FBLN1: variants seen among roughly 807,000 people sequenced by gnomAD.
FBLN1 encodes fibulin-1.
In FBLN1, 34 loss-of-function variants were observed where a neutral mutation model predicts 89.7. The observed-to-expected ratio is 0.38, with a 90% CI of 0.29 to 0.50. The LOEUF is 0.50. Among genes scored for constraint, FBLN1 ranks in the 20% least tolerant of loss-of-function variants. The pLI is 0.92. For synonymous variants in FBLN1, 393 were observed against 391.3 expected (o/e 1.00, Z -0.05); for missense variants, 777 against 988.1 (o/e 0.79, Z 2.86).
chr22:45,584,153 G>C (rs1032147187), intron 16 of FBLN1, among the ~76,000 whole-genome samples: 1 of 152,154 alleles, frequency 6.6e-6, no homozygotes, highest in African/African-American at 2.4e-5. Flanking sequence ...GGAGTTAAAC[G>C]CACATTCAGA....
chr22:45,550,403 T>C lies in FBLN1; in HGVS notation c.1574-89T>C. 1.3e-6 allele frequency: 2 copies of C among 1,596,238 alleles called. No individual in the cohort carries two copies. Among genetic ancestry groups the C allele is most frequent in the African/African-American group, 2.7e-5 (2 of 74,780 alleles). On this transcript the variant is annotated intron_variant, in intron 13 of 16. Transcript: ENST00000327858. This position sits in a 1 kb window ranked among gnomAD's most constrained non-coding sequence, Gnocchi z 8.4. Reference sequence around the variant, plus strand: ...GCCTGATCGCCACCCCTAACCCTAGTTGATGGGAGGCCTGGGCTCCTCCGT... The same window carrying C: ...GCCTGATCGCCACCCCTAACCCTAGCTGATGGGAGGCCTGGGCTCCTCCGT...
rs148612731 is a variant in FBLN1 at position 45,546,299 on chromosome 22, C to G, written c.1322-786C>G. On this transcript the variant is annotated intron_variant, in intron 11 of 16. Coordinates refer to ENST00000327858, the MANE Select transcript of FBLN1 (RefSeq NM_006486.3). ...GTGGTGTGATCTTGGCTCACTGCAA[C>G]CTCTGCCTCCTTGTTCAAGCAATTC... is the stretch of plus-strand genomic sequence containing the variant. Among the ~76,000 whole-genome samples the G allele has an allele frequency of 1.7e-3, 266 of 152,328 alleles. 1 individual carries two copies. The highest frequency in any genetic ancestry group is 0.017 in the Middle Eastern group (5 of 294).
intron 16 of FBLN1, among the ~76,000 whole-genome samples, chr22:45,587,465 C>T (rs1601541399): frequency 6.6e-6 from 1 of 152,214 alleles, no homozygotes; most frequent in East Asian, 1.9e-4. Context: ...CAGCCCAGAG[C>T]TTCCTATCTC....
chr22:45,594,495 T>C (rs1005241702), intron 16 of FBLN1, among the ~76,000 whole-genome samples: 3 of 152,208 alleles, frequency 2.0e-5, no homozygotes, highest in Non-Finnish European at 2.9e-5. Flanking sequence ...CAAAACCCAA[T>C]TTAAAGCTTC....
At chr22:45,508,325 G>A (rs376630391) in intron 1 of FBLN1, among the ~76,000 whole-genome samples, 1 of 136,166 alleles carries the variant, frequency 7.3e-6, no homozygotes, top group East Asian at 2.4e-4. Context: ...TCTGGGGTGT[G>A]ATCTTGGCTC....
rs536802149 is a variant in FBLN1, at chr22:45,550,240, T to G, written c.1574-252T>G. Among the ~76,000 whole-genome samples the G allele has an allele frequency of 8.5e-5, 13 of 152,212 alleles. No individual in the cohort carries two copies. The highest frequency in any genetic ancestry group is 1.9e-4 in the Non-Finnish European group (13 of 68,034). On this transcript the variant is annotated intron_variant, in intron 13 of 16. Transcript: ENST00000327858. The surrounding 1 kb of genome is among the most constrained non-coding windows in gnomAD (Gnocchi z 8.4). ...GGTACTCCCAGGACCCATCATGTAGTGTTTACTTTTACCATCGTCACGCTC... is the reference window on the plus strand; with the variant it reads ...GGTACTCCCAGGACCCATCATGTAGGGTTTACTTTTACCATCGTCACGCTC...
chr22:45,540,911 C>A (rs143783430), intron 8 of FBLN1, among the ~76,000 whole-genome samples: 54 of 152,344 alleles, frequency 3.5e-4, no homozygotes, highest in Non-Finnish European at 6.5e-4. Context: ...CTCCTTAATA[C>A]CGTGCCCAGT....
At chr22:45,516,513 C>T (rs558472123) in intron 1 of FBLN1, among the ~76,000 whole-genome samples, 2 of 152,340 alleles carry the variant, frequency 1.3e-5, no homozygotes, top group African/African-American at 4.8e-5. Flanking sequence ...AAGGTTATCC[C>T]CATGATAACA....
At chr22:45,528,869 G>C (rs1339614670) in intron 4 of FBLN1, among the ~76,000 whole-genome samples, 2 of 152,176 alleles carry the variant, frequency 1.3e-5, no homozygotes, top group Non-Finnish European at 2.9e-5. Context: ...GTGACGCTGA[G>C]TGCTTGGAGT....
In FBLN1 at chr22:45,531,509, G is replaced by T. The variant is rs904462810; in HGVS notation, c.544+185G>T. 6.6e-6 allele frequency among the ~76,000 whole-genome samples: 1 copy of T among 152,126 alleles called. No homozygotes were observed. The highest frequency in any genetic ancestry group is 1.5e-5 in the Non-Finnish European group (1 of 68,016). Reference sequence around the variant, plus strand: ...CACTCTAGCCTGGGCAACAGAGCTGGACCCCGTCTCAAAAACAAAAAAACA... The same window carrying T: ...CACTCTAGCCTGGGCAACAGAGCTGTACCCCGTCTCAAAAACAAAAAAACA... On this transcript the variant is annotated intron_variant, in intron 5 of 16. Transcript: ENST00000327858. The surrounding 1 kb of genome is among the most constrained non-coding windows in gnomAD (Gnocchi z 4.9).
intron 1 of FBLN1, among the ~76,000 whole-genome samples, chr22:45,514,405 A>C (rs928966113): frequency 5.9e-5 from 9 of 152,202 alleles, no homozygotes; most frequent in African/African-American, 7.2e-5. Context: ...GGAGGTAACC[A>C]GTGCTGAGTC....
intron 16 of FBLN1, among the ~76,000 whole-genome samples, chr22:45,596,977 A>G (rs2089193046): frequency 6.6e-6 from 1 of 150,880 alleles, no homozygotes; most frequent in Non-Finnish European, 1.5e-5. Context: ...ACTATATAAT[A>G]TACAGAAATA....
intron 14 of FBLN1, chr22:45,558,386 G>A: frequency 4.3e-6 from 1 of 231,760 alleles, no homozygotes; most frequent in Non-Finnish European, 8.5e-6. Flanking sequence ...GCCAAGAGCT[G>A]TCTCTCAAAA....
At chr22:45,529,079 C>G (rs964864093) in intron 4 of FBLN1, among the ~76,000 whole-genome samples, 2 of 152,202 alleles carry the variant, frequency 1.3e-5, no homozygotes, top group African/African-American at 4.8e-5. Flanking sequence ...CTTCAGCTGC[C>G]CGGGGCAGCA....
rs548968694 is a variant in FBLN1 at position 45,588,249 on chromosome 22, G to C, written c.1972+11141G>C. Among the ~76,000 whole-genome samples, 75 of 152,250 alleles carry C rather than the reference G, an allele frequency of 4.9e-4. 2 individuals are homozygous for C. The South Asian group carries it at 0.015, about 31-fold the overall frequency. On this transcript the variant is annotated intron_variant, in intron 16 of 16. Coordinates refer to ENST00000327858, the MANE Select transcript of FBLN1 (RefSeq NM_006486.3). This position sits in a 1 kb window ranked among gnomAD's most constrained non-coding sequence, Gnocchi z 5.1. The stretch of plus-strand genomic sequence containing the variant: ...CCCACACAGAGATCTGGAGGAAGAG[G>C]GCTCCAGGCAGAGGGAATGGCAGAG...
intron 14 of FBLN1, among the ~76,000 whole-genome samples, chr22:45,553,005 C>T (rs1392110934): frequency 1.3e-5 from 2 of 152,188 alleles, no homozygotes; most frequent in Non-Finnish European, 2.9e-5. Context: ...GGATGGGACA[C>T]GAGTGAACAG....
At position 45,600,302 on chromosome 22, in the gene FBLN1, C is replaced by T. The variant is rs376739185; in HGVS notation, c.1973-5C>T. The T allele has an allele frequency of 2.2e-4, 363 of 1,614,224 alleles. No individual in the cohort carries two copies. The East Asian group carries it at 2.4e-3, about 11-fold the overall frequency. On this transcript the variant is annotated splice_polypyrimidine_tract_variant and splice_region_variant and intron_variant, in intron 16 of 16. Coordinates refer to ENST00000327858, the MANE Select transcript of FBLN1 (RefSeq NM_006486.3). ...CTTCCAGCACACCTTCTGCTCTCTC[C>T]GCAGGTGTCGTGCGCCAGGTGCGGC...
chr22:45,586,370 G>A (rs952614442), intron 16 of FBLN1, among the ~76,000 whole-genome samples: 1 of 152,212 alleles, frequency 6.6e-6, no homozygotes, highest in African/African-American at 2.4e-5. Flanking sequence ...TTGCCCTGCT[G>A]AACCCCCAGG....
chr22:45,519,050 TGGGCTTGCAGCTGTGG>T (rs1269731703), intron 2 of FBLN1, among the ~76,000 whole-genome samples: 1 of 115,836 alleles, frequency 8.6e-6, no homozygotes, highest in Admixed American at 7.9e-5. Flanking sequence ...CAAGAAGATC[TGGGCTTGCAGCTGTGG>T]GCAAGTCAGT....
Sources: allele counts gnomAD v4.1 joint callset (sites outside exome capture counted in the v4.1 genomes callset), GRCh38; gene constraint gnomAD v4.1.1; non-coding constraint Gnocchi (gnomAD v3.1); transcripts MANE v1.5; gene names NCBI Gene and HGNC (gene_info 2026-07-23, HGNC 2026-07-21).